ANAPC10: variants seen among roughly 807,000 people sequenced by gnomAD.
ANAPC10 encodes anaphase promoting complex subunit 10, also known as anaphase-promoting complex subunit 10.
ANAPC10 carries 12 observed loss-of-function variants against 22.0 expected under a neutral mutation model. The observed-to-expected ratio is 0.55, with a 90% CI of 0.35 to 0.88. The LOEUF (loss-of-function observed/expected upper bound fraction) is 0.88, where lower values mean the gene tolerates loss of function less well. Ranked by LOEUF, ANAPC10 falls within the 40% of genes least tolerant of loss-of-function variation. The pLI is 0.01. For missense variants in ANAPC10, 188 were observed against 220.9 expected (o/e 0.85, Z 0.94); for synonymous variants, 65 against 69.5 (o/e 0.94, Z 0.32).
chr4:145,009,366 C>G (rs1226233924), intron 4 of ANAPC10, among the ~76,000 whole-genome samples: 1 of 152,162 alleles, frequency 6.6e-6, no homozygotes, highest in Non-Finnish European at 1.5e-5. Flanking sequence ...AAAGAGCCCA[C>G]ATTGCCAAGT....
rs969851066 is a variant in ANAPC10, at chr4:145,021,323, T to C, written c.328-25720A>G. Among the ~76,000 whole-genome samples the C allele has an allele frequency of 3.9e-4, 59 of 152,006 alleles. 1 individual carries two copies. Among genetic ancestry groups the C allele is most frequent in the Non-Finnish European group, 1.0e-4 (7 of 67,972 alleles). On this transcript the variant is annotated intron_variant, in intron 4 of 4. Transcript: ENST00000507656. ...AAACAGCATGGTACTGGTATAAAAA[T>C]AGGCACATAGGACAATGTAATAGAG... is the stretch of plus-strand genomic sequence containing the variant.
At chr4:145,049,291 A>C (rs770681185) in intron 4 of ANAPC10, among the ~76,000 whole-genome samples, 1 of 152,190 alleles carries the variant, frequency 6.6e-6, no homozygotes, top group Non-Finnish European at 1.5e-5. Flanking sequence ...ATAACACTGA[A>C]GTTTACCTCA....
At chr4:145,053,849 T>C in intron 4 of ANAPC10, 2 of 547,544 alleles carry the variant, frequency 3.7e-6, no homozygotes, top group South Asian at 2.5e-5. Flanking sequence ...TATGATAAAA[T>C]GCTTCAGCAG....
At chr4:144,999,137 C>G (rs1352173311) in intron 4 of ANAPC10, 1 of 152,128 alleles carries the variant, frequency 6.6e-6, no homozygotes, top group African/African-American at 2.4e-5. Flanking sequence ...GCCTACCAAC[C>G]AAAACAAGTC....
intron 3 of ANAPC10, among the ~76,000 whole-genome samples, chr4:145,071,769 G>C (rs1744523431): frequency 6.6e-6 from 1 of 152,088 alleles, no homozygotes; most frequent in South Asian, 2.1e-4. Flanking sequence ...CCCTCAACAA[G>C]AGAACTGCAG....
intron 4 of ANAPC10, 99 bp from the exon 5 acceptor site, chr4:144,995,702 T>G: frequency 1.2e-6 from 1 of 828,428 alleles, no homozygotes; most frequent in Non-Finnish European, 1.8e-6. Flanking sequence ...ATTAACATTT[T>G]GCTCAACGAA....
intron 3 of ANAPC10, among the ~76,000 whole-genome samples, chr4:145,077,439 G>C (rs1300620205): frequency 6.6e-6 from 1 of 151,984 alleles, no homozygotes; most frequent in Non-Finnish European, 1.5e-5. Context: ...GAGAACCCCA[G>C]AGTATATGAA....
intron 4 of ANAPC10, among the ~76,000 whole-genome samples, chr4:145,004,033 G>A (rs1732974240): frequency 6.6e-6 from 1 of 151,636 alleles, no homozygotes; most frequent in Admixed American, 6.6e-5. Flanking sequence ...TTTTTGAGTA[G>A]TATCTTGTAA....
At chr4:145,072,350 AATAC>A (rs1249940225) in intron 3 of ANAPC10, among the ~76,000 whole-genome samples, 1 of 152,226 alleles carries the variant, frequency 6.6e-6, no homozygotes, top group Non-Finnish European at 1.5e-5. Context: ...ACAGATCAGT[AATAC>A]ATACAAATTA....
rs774625119 is a variant in ANAPC10 at position 144,995,591 on chromosome 4, C to A, written c.340G>T (p.Val114Leu). 3 of 1,607,222 alleles carry A rather than the reference C, an allele frequency of 1.9e-6. No individual in the cohort carries two copies. The African/African-American group carries it at 4.0e-5, about 22-fold the overall frequency. ...ACATGAATCCAGCCACTTGGTTCCA[C>A]CAACTCAAGTTGCTGCCAAGGGAAA... ...NLQEIRQLEL[V>L]EPSGWIHVPL... Residue 114 changes from valine to leucine, a missense_variant, in exon 5 of 5, where the codon GTG (valine) becomes TTG (leucine). Transcript: ENST00000507656.
chr4:145,060,301 C>T (rs1323121617), intron 4 of ANAPC10, among the ~76,000 whole-genome samples: 1 of 151,834 alleles, frequency 6.6e-6, no homozygotes, highest in Non-Finnish European at 1.5e-5. Flanking sequence ...CAATTTAAGT[C>T]CTCAGGTATA....
intron 3 of ANAPC10, among the ~76,000 whole-genome samples, chr4:145,079,578 A>T (rs368237464): frequency 6.6e-6 from 1 of 152,210 alleles, no homozygotes; most frequent in Non-Finnish European, 1.5e-5. Context: ...AAATGCACAC[A>T]TATGTTGATT....
chr4:145,082,158 T>C (rs1454142977), intron 2 of ANAPC10, among the ~76,000 whole-genome samples: 3 of 152,242 alleles, frequency 2.0e-5, no homozygotes, highest in Non-Finnish European at 2.9e-5. Context: ...GGAGATATTA[T>C]ATTTTTTTGA....
chr4:145,002,897 C>T (rs1417204393), intron 4 of ANAPC10, among the ~76,000 whole-genome samples: 1 of 3,586 alleles, frequency 2.8e-4, no homozygotes, highest in East Asian at 0.12. Context: ...CAGAGGCACA[C>T]GTGCAGTTTA....
At chr4:145,066,282 ACCAT>A (rs1246559743) in intron 3 of ANAPC10, among the ~76,000 whole-genome samples, 1 of 152,082 alleles carries the variant, frequency 6.6e-6, no homozygotes, top group Non-Finnish European at 1.5e-5. Context: ...CAGGATAAAG[ACCAT>A]TATTAGGTTT....
At chr4:145,069,369 CG>C (rs1560906364) in intron 3 of ANAPC10, among the ~76,000 whole-genome samples, 2 of 152,142 alleles carry the variant, frequency 1.3e-5, no homozygotes, top group Admixed American at 6.5e-5. Context: ...CAGAAATATG[CG>C]TGGGGTCCCC....
chr4:145,013,449 A>G (rs1054273396), intron 4 of ANAPC10, among the ~76,000 whole-genome samples: 2 of 152,176 alleles, frequency 1.3e-5, no homozygotes, highest in Non-Finnish European at 2.9e-5. Context: ...CATTATATGA[A>G]AAAAACCCAT....
chr4:145,002,635 G>A (rs376689123), intron 4 of ANAPC10, among the ~76,000 whole-genome samples: 1 of 152,076 alleles, frequency 6.6e-6, no homozygotes, highest in African/African-American at 2.4e-5. Context: ...GAATAAATGT[G>A]AAGCCAATGT....
chr4:145,025,053 C>T (rs1024769713), intron 4 of ANAPC10, among the ~76,000 whole-genome samples: 2 of 152,118 alleles, frequency 1.3e-5, no homozygotes, highest in Non-Finnish European at 2.9e-5. Context: ...TCTCATGAAC[C>T]AACCTCTGCT....
Sources: allele counts gnomAD v4.1 joint callset (sites outside exome capture counted in the v4.1 genomes callset), GRCh38; gene constraint gnomAD v4.1.1; transcripts MANE v1.5; gene names NCBI Gene and HGNC (gene_info 2026-07-23, HGNC 2026-07-21).